GRIK2: variants seen among roughly 807,000 people sequenced by gnomAD.
GRIK2 encodes the protein glutamate ionotropic receptor kainate type subunit 2, also known as glutamate receptor ionotropic, kainate 2.
GRIK2 carries 32 observed loss-of-function variants against 100.3 expected under a neutral mutation model. The observed-to-expected ratio is 0.32, with a 90% CI of 0.24 to 0.43. The LOEUF (loss-of-function observed/expected upper bound fraction) is 0.43, where lower values mean the gene tolerates loss of function less well. Ranked by LOEUF, GRIK2 falls within the 20% of genes least tolerant of loss-of-function variation. GRIK2 has a pLI of 1.00. For synonymous variants in GRIK2, 417 were observed against 389.4 expected (o/e 1.07, Z -0.83); for missense variants, 843 against 1,114.9 (o/e 0.76, Z 3.47).
intron 2 of GRIK2, among the ~76,000 whole-genome samples, chr6:101,481,100 C>T (rs1352203620): frequency 2.0e-5 from 3 of 152,146 alleles, no homozygotes; most frequent in African/African-American, 4.8e-5. Context: ...TGTAAAAAAA[C>T]ATCCTTGGTG....
intron 2 of GRIK2, among the ~76,000 whole-genome samples, chr6:101,598,573 C>T (rs1779036094): frequency 7.1e-6 from 1 of 141,466 alleles, no homozygotes; most frequent in Non-Finnish European, 1.5e-5. Context: ...TTGTCTTGCT[C>T]CAGGGCTCTC....
intron 7 of GRIK2, among the ~76,000 whole-genome samples, chr6:101,760,327 TTA>T (rs905923284): frequency 4.1e-5 from 5 of 120,492 alleles, no homozygotes; most frequent in Admixed American, 1.1e-4. Flanking sequence ...ATATATTTAA[TTA>T]TATATATTTA....
At chr6:101,488,124 T>G (rs1007916551) in intron 2 of GRIK2, among the ~76,000 whole-genome samples, 1 of 146,754 alleles carries the variant, frequency 6.8e-6, no homozygotes, top group Non-Finnish European at 1.5e-5. Flanking sequence ...GCATCATTAG[T>G]GCTTCTAATA....
intron 2 of GRIK2, among the ~76,000 whole-genome samples, chr6:101,541,678 T>A (rs908290604): frequency 6.6e-6 from 1 of 152,204 alleles, no homozygotes; most frequent in Admixed American, 6.5e-5. Context: ...TGAATGTACT[T>A]AAGTAAAACA....
At chr6:101,602,613 C>T (rs572487) in intron 2 of GRIK2, among the ~76,000 whole-genome samples, 56,132 of 151,094 alleles carry the variant, frequency 0.37, 11,222 homozygotes, top group African/African-American at 0.53. Flanking sequence ...TCTCCCTACA[C>T]TTTACAAATG....
chr6:101,886,858 C>A, intron 11 of GRIK2, among the ~76,000 whole-genome samples: 1 of 135,392 alleles, frequency 7.4e-6, no homozygotes, highest in East Asian at 2.1e-4. Flanking sequence ...ACAGAGTCTC[C>A]CTCTGTTGCC....
intron 12 of GRIK2, among the ~76,000 whole-genome samples, chr6:101,915,320 G>A (rs191240451): frequency 6.6e-5 from 10 of 151,276 alleles, no homozygotes; most frequent in East Asian, 5.8e-4. Flanking sequence ...CATAAACTAC[G>A]TATTTGGAAT....
chr6:101,468,333 A>T (rs184414951), intron 2 of GRIK2, among the ~76,000 whole-genome samples: 1 of 152,342 alleles, frequency 6.6e-6, no homozygotes, highest in African/African-American at 2.4e-5. Flanking sequence ...ACTAATGCTT[A>T]TCTTCACATG....
chr6:101,996,669 T>G (rs1223487953), intron 14 of GRIK2, among the ~76,000 whole-genome samples: 3 of 152,098 alleles, frequency 2.0e-5, no homozygotes, highest in African/African-American at 7.2e-5. Flanking sequence ...TGCATCTGCT[T>G]ATGTCTTAAT....
chr6:101,838,697 G>T (rs1353364463), intron 10 of GRIK2, among the ~76,000 whole-genome samples: 1 of 149,152 alleles, frequency 6.7e-6, no homozygotes, highest in Admixed American at 6.7e-5. Context: ...TGTTGCCCAG[G>T]CTGGAGTGCA....
intron 2 of GRIK2, among the ~76,000 whole-genome samples, chr6:101,612,581 G>A (rs1779727064): frequency 6.6e-6 from 1 of 151,746 alleles, no homozygotes; most frequent in African/African-American, 2.4e-5. Flanking sequence ...TTTGAAAGGG[G>A]TCTGGAACAT....
intron 2 of GRIK2, among the ~76,000 whole-genome samples, chr6:101,453,613 C>T (rs1040519086): frequency 4.0e-5 from 6 of 151,714 alleles, no homozygotes; most frequent in African/African-American, 9.7e-5. Context: ...AAGTTTCCAC[C>T]GTCTTATTAG....
At chr6:101,798,991 C>T (rs1780495036) in intron 7 of GRIK2, among the ~76,000 whole-genome samples, 1 of 152,042 alleles carries the variant, frequency 6.6e-6, no homozygotes, top group Admixed American at 6.6e-5. Flanking sequence ...GGAAAGGAAA[C>T]CGTACAAGAG....
At chr6:101,763,942 C>A (rs9498691) in intron 7 of GRIK2, among the ~76,000 whole-genome samples, 44,508 of 151,860 alleles carry the variant, frequency 0.29, 9,937 homozygotes, top group East Asian at 0.68. Flanking sequence ...GAACAAAAAC[C>A]ACTTGAATGT....
chr6:101,749,587 A>G (rs898440427), intron 7 of GRIK2, among the ~76,000 whole-genome samples: 1 of 152,104 alleles, frequency 6.6e-6, no homozygotes, highest in Non-Finnish European at 1.5e-5. Context: ...TAGTCTATCA[A>G]TGAGGGTTAA....
At chr6:101,655,584 A>T (rs1582901670) in intron 4 of GRIK2, among the ~76,000 whole-genome samples, 1 of 152,348 alleles carries the variant, frequency 6.6e-6, no homozygotes, top group East Asian at 1.9e-4. Flanking sequence ...CATAAATATT[A>T]TCAAATATCA....
chr6:101,650,571 A>G (rs1332659094), intron 4 of GRIK2, among the ~76,000 whole-genome samples: 1 of 152,066 alleles, frequency 6.6e-6, no homozygotes, highest in Non-Finnish European at 1.5e-5. Flanking sequence ...AGCAAAAGTG[A>G]TGGTTGGTGA....
In GRIK2 at chr6:101,458,519, T is replaced by G. The variant is rs371070196; in HGVS notation, c.115+59127T>G. On this transcript the variant is annotated intron_variant, in intron 2 of 16. Coordinates refer to ENST00000369134, the MANE Select transcript of GRIK2 (RefSeq NM_021956.5). ...CCTCCTGCAGTGCAGCCTCCAATGG[T>G]GCACTGATTGAGAGGCTTTGATGTA... Among the ~76,000 whole-genome samples, 3 of 152,292 alleles carry G rather than the reference T, an allele frequency of 2.0e-5. No individual in the cohort carries two copies. The East Asian group carries it at 5.8e-4, about 29-fold the overall frequency.
At chr6:101,716,911 A>G (rs1774115957) in intron 7 of GRIK2, among the ~76,000 whole-genome samples, 1 of 151,824 alleles carries the variant, frequency 6.6e-6, no homozygotes, top group Admixed American at 6.6e-5. Context: ...CCATTCCTCT[A>G]CATACTTTAT....
Sources: allele counts gnomAD v4.1 joint callset (sites outside exome capture counted in the v4.1 genomes callset), GRCh38; gene constraint gnomAD v4.1.1; transcripts MANE v1.5; gene names NCBI Gene and HGNC (gene_info 2026-07-23, HGNC 2026-07-21).